The following HS3ST5 variants were observed in gnomAD, a reference collection of about 807,000 sequenced individuals.
The protein encoded by HS3ST5 is heparan sulfate glucosamine 3-O-sulfotransferase 5.
Under a neutral mutation model 25.4 loss-of-function variants are expected in HS3ST5, and 10 were observed. The observed-to-expected ratio is 0.39, with a 90% confidence interval of 0.24 to 0.67. The LOEUF (loss-of-function observed/expected upper bound fraction) is 0.67. Among genes scored for constraint, HS3ST5 ranks in the 30% least tolerant of loss-of-function variants. The pLI is 0.44. For synonymous variants in HS3ST5, 170 were observed against 162.4 expected (o/e 1.05, Z -0.36); for missense variants, 324 against 420.7 (o/e 0.77, Z 2.01).
chr6:114,275,385 C>T (rs1157427329), intron 1 of HS3ST5, among the ~76,000 whole-genome samples: 1 of 152,036 alleles, frequency 6.6e-6, no homozygotes, highest in African/African-American at 2.4e-5. Context: ...GTGCTTCACA[C>T]AGTGTTACTA....
intron 3 of HS3ST5, among the ~76,000 whole-genome samples, chr6:114,154,257 G>A (rs1778593090): frequency 6.6e-6 from 1 of 152,162 alleles, no homozygotes; most frequent in African/African-American, 2.4e-5. Flanking sequence ...TGCCTCAGTG[G>A]GAAGGCGAGG....
chr6:114,279,855 T>G (rs191826534), intron 1 of HS3ST5, among the ~76,000 whole-genome samples: 6 of 151,966 alleles, frequency 3.9e-5, no homozygotes, highest in Admixed American at 3.9e-4. Context: ...GATATTACTA[T>G]GTAGAAGCAC....
intron 3 of HS3ST5, among the ~76,000 whole-genome samples, chr6:114,135,479 A>G (rs1250708181): frequency 6.6e-6 from 1 of 152,118 alleles, no homozygotes; most frequent in African/African-American, 2.4e-5. Context: ...TGATGAAGTA[A>G]TGAACACCAG....
Position 114,224,687 on chromosome 6 carries a change from C to CAT in HS3ST5, c.-145+3896_-145+3897dup, listed in dbSNP as rs796114598. ...AACTTATTTTATACATATATATATA[C>CAT]ATATATATATATACACACACACACA... On this transcript the variant is annotated intron_variant, in intron 2 of 4. Coordinates refer to ENST00000312719, the MANE Select transcript of HS3ST5 (RefSeq NM_153612.4). Among the ~76,000 whole-genome samples the CAT allele has an allele frequency of 1.4e-4, 20 of 147,180 alleles. No individual in the cohort carries two copies. The South Asian group carries it at 3.6e-3, about 27-fold the overall frequency.
intron 1 of HS3ST5, among the ~76,000 whole-genome samples, chr6:114,289,477 C>T (rs1233498184): frequency 6.6e-6 from 1 of 151,986 alleles, no homozygotes; most frequent in African/African-American, 2.4e-5. Flanking sequence ...TTTAAATGGC[C>T]CCAGTCAGTG....
chr6:114,235,575 G>T (rs1262952703), intron 1 of HS3ST5: 1 of 152,184 alleles, frequency 6.6e-6, no homozygotes, highest in African/African-American at 2.4e-5. Flanking sequence ...AATACAGGAA[G>T]GGGAGGGCTA....
intron 1 of HS3ST5, among the ~76,000 whole-genome samples, chr6:114,315,364 G>A (rs1026747725): frequency 6.6e-6 from 1 of 152,066 alleles, no homozygotes; most frequent in African/African-American, 2.4e-5. Context: ...GCCTTTGTCT[G>A]ATCTGTATCC....
At chr6:114,224,320 A>G (rs967575964) in intron 2 of HS3ST5, among the ~76,000 whole-genome samples, 1 of 151,596 alleles carries the variant, frequency 6.6e-6, no homozygotes, top group Non-Finnish European at 1.5e-5. Context: ...GTCACAAAGG[A>G]TTTGAGAAAA....
intron 3 of HS3ST5, among the ~76,000 whole-genome samples, chr6:114,128,216 ATAAC>A (rs1777145694): frequency 1.3e-5 from 2 of 152,148 alleles, no homozygotes; most frequent in Non-Finnish European, 2.9e-5. Flanking sequence ...ATCTACTTAA[ATAAC>A]TGACATTTTA....
At chr6:114,320,654 G>C (rs1002402650) in intron 1 of HS3ST5, among the ~76,000 whole-genome samples, 4 of 152,140 alleles carry the variant, frequency 2.6e-5, no homozygotes, top group African/African-American at 9.6e-5. Context: ...TAATGAGAAA[G>C]GGTGAAGGAA....
intron 1 of HS3ST5, among the ~76,000 whole-genome samples, chr6:114,317,081 T>A (rs1353731520): frequency 6.6e-6 from 1 of 152,242 alleles, no homozygotes; most frequent in African/African-American, 2.4e-5. Context: ...ATTTAATATC[T>A]TAGATTTTCC....
At chr6:114,203,717 C>T (rs1260279034) in intron 2 of HS3ST5, among the ~76,000 whole-genome samples, 2 of 152,178 alleles carry the variant, frequency 1.3e-5, no homozygotes, top group Non-Finnish European at 2.9e-5. Context: ...ATTTCATCCC[C>T]AACCATCAAC....
intron 3 of HS3ST5, among the ~76,000 whole-genome samples, chr6:114,125,247 A>G (rs968186736): frequency 5.3e-5 from 8 of 152,258 alleles, no homozygotes; most frequent in Non-Finnish European, 8.8e-5. Context: ...ATGCCTTTCA[A>G]TTAGGAAAAG....
intron 1 of HS3ST5, among the ~76,000 whole-genome samples, chr6:114,249,124 C>T (rs1455898039): frequency 1.3e-5 from 2 of 152,136 alleles, no homozygotes; most frequent in Non-Finnish European, 2.9e-5. Flanking sequence ...AAATAATTTC[C>T]TTGTGATTTC....
chr6:114,314,196 G>A (rs928732300), intron 1 of HS3ST5, among the ~76,000 whole-genome samples: 1 of 152,152 alleles, frequency 6.6e-6, no homozygotes, highest in Admixed American at 6.5e-5. Context: ...TCAAAGTGCT[G>A]GGATTACAGG....
chr6:114,150,571 C>T (rs906973822), intron 3 of HS3ST5, among the ~76,000 whole-genome samples: 1 of 152,100 alleles, frequency 6.6e-6, no homozygotes, highest in Non-Finnish European at 1.5e-5. Context: ...GGTGAAAGCC[C>T]TATGTCATTT....
At chr6:114,195,287 G>C (rs1477205820) in intron 2 of HS3ST5, among the ~76,000 whole-genome samples, 2 of 152,166 alleles carry the variant, frequency 1.3e-5, no homozygotes, top group East Asian at 3.9e-4. Context: ...GTGAAGGGAA[G>C]TTGCAGCTAG....
At chr6:114,294,669 G>A (rs374558471) in intron 1 of HS3ST5, among the ~76,000 whole-genome samples, 66 of 152,086 alleles carry the variant, frequency 4.3e-4, no homozygotes, top group African/African-American at 1.5e-3. Context: ...TCCTGACCTC[G>A]TGATCTGCCC....
At chr6:114,241,070 ACCTTTT>A (rs1772094701) in intron 1 of HS3ST5, among the ~76,000 whole-genome samples, 1 of 151,866 alleles carries the variant, frequency 6.6e-6, no homozygotes, top group Admixed American at 6.6e-5. Context: ...GGTGATTCAT[ACCTTTT>A]AAAAGAAAGC....
Sources: allele counts gnomAD v4.1 joint callset (sites outside exome capture counted in the v4.1 genomes callset), GRCh38; gene constraint gnomAD v4.1.1; transcripts MANE v1.5; gene names NCBI Gene and HGNC (gene_info 2026-07-23, HGNC 2026-07-21).